Variants in CDKL3 observed in about 807,000 individuals in gnomAD.
CDKL3 encodes the protein cyclin dependent kinase like 3, also known as cyclin-dependent kinase-like 3.
Under a neutral mutation model 69.3 loss-of-function variants are expected in CDKL3, and 65 were observed. The ratio of observed to expected loss-of-function variants is 0.94; its 90% CI spans 0.77 to 1.15. The LOEUF (loss-of-function observed/expected upper bound fraction) is 1.15, where lower values mean the gene tolerates loss of function less well. Among genes scored for constraint, CDKL3 ranks in the 50% most tolerant of loss-of-function variants. CDKL3 has a pLI of 0.00. For synonymous variants in CDKL3, 202 were observed against 221.6 expected (o/e 0.91, Z 0.79); for missense variants, 652 against 689.2 (o/e 0.95, Z 0.61).
downstream of CDKL3, among the ~76,000 whole-genome samples, chr5:134,286,040 T>C (rs1764845007): frequency 6.6e-6 from 1 of 152,196 alleles, no homozygotes; most frequent in Admixed American, 6.5e-5. Flanking sequence ...GAGAATCACT[T>C]GAACCCAGTA....
chr5:134,338,224 C>T (rs1231583928), intron 4 of CDKL3, among the ~76,000 whole-genome samples: 2 of 151,760 alleles, frequency 1.3e-5, no homozygotes, highest in Non-Finnish European at 2.9e-5. Context: ...GTAATATGTA[C>T]AACAAATATA....
chr5:134,307,774 T>TA (rs1431690556), intron 9 of CDKL3, among the ~76,000 whole-genome samples: 2 of 152,222 alleles, frequency 1.3e-5, no homozygotes, highest in African/African-American at 4.8e-5. Context: ...TTTCTCCACT[T>TA]AGAGAATTTG....
Position 134,304,417 on chromosome 5 carries a change from T to A in CDKL3, c.1609A>T (p.Lys537Ter), listed in dbSNP as rs758759356. The A allele has an allele frequency of 6.2e-7, 1 of 1,610,264 alleles. No homozygotes were observed. The highest frequency in any genetic ancestry group is 1.1e-5 in the South Asian group (1 of 90,242). Residue 537 changes from lysine (K) to a stop codon, truncating the protein, a stop_gained, in exon 11 of 13, where the codon AAA becomes TAA. Transcript: ENST00000265334. LOFTEE classifies it high-confidence loss of function. ...LPVTIQSKDT[K>*]GMEVKQIKML... ...AACAAATGTGTACCTTCCATTCCTT[T>A]TGTATCTTTTGACTGTATTGTGACA...
upstream of CDKL3, chr5:134,371,294 A>T: frequency 7.7e-6 from 4 of 518,904 alleles, no homozygotes; most frequent in South Asian, 4.1e-5. Context: ...CAGAGAACAC[A>T]AATTTGTCTA....
intron 8 of CDKL3, among the ~76,000 whole-genome samples, chr5:134,289,714 G>A (rs1200182569): frequency 6.6e-6 from 1 of 152,112 alleles, no homozygotes; most frequent in Non-Finnish European, 1.5e-5. Context: ...GCTGGACTGT[G>A]GGCTCCCTCT....
At chr5:134,357,121 T>C (rs1754800823) in intron 3 of CDKL3, among the ~76,000 whole-genome samples, 1 of 152,200 alleles carries the variant, frequency 6.6e-6, no homozygotes, top group Non-Finnish European at 1.5e-5. Context: ...TTATTTAGTA[T>C]GGGTCTATCC....
At chr5:134,298,289 G>C, downstream of CDKL3, 1 of 1,006,588 alleles carries the variant, frequency 9.9e-7, no homozygotes, top group Non-Finnish European at 1.2e-6. Context: ...CATTTAAAGA[G>C]GCCTGTGTGT....
At chr5:134,285,241 C>T (rs542553458), downstream of CDKL3, among the ~76,000 whole-genome samples, 4 of 152,342 alleles carry the variant, frequency 2.6e-5, no homozygotes, top group African/African-American at 9.6e-5. Flanking sequence ...TCCAACCCCA[C>T]ATTTCCCTTT....
chr5:134,315,494 A>G (rs1434303529), intron 6 of CDKL3, among the ~76,000 whole-genome samples: 1 of 152,006 alleles, frequency 6.6e-6, no homozygotes, highest in African/African-American at 2.4e-5. Flanking sequence ...ACGACACCCT[A>G]TGTTTAGAGA....
At chr5:134,327,091 G>A (rs78808651) in intron 4 of CDKL3, among the ~76,000 whole-genome samples, 3,288 of 151,810 alleles carry the variant, frequency 0.022, 47 homozygotes, top group Non-Finnish European at 0.034. Context: ...AGGAGGAGTG[G>A]AACTTCACCA....
chr5:134,284,404 G>C (rs1279915561), downstream of CDKL3, among the ~76,000 whole-genome samples: 1 of 152,162 alleles, frequency 6.6e-6, no homozygotes, highest in Non-Finnish European at 1.5e-5. Flanking sequence ...TCACATGCTT[G>C]AAAGGGCAAT....
At chr5:134,309,188 C>T (rs376838451) in intron 7 of CDKL3, among the ~76,000 whole-genome samples, 5 of 152,100 alleles carry the variant, frequency 3.3e-5, no homozygotes, top group African/African-American at 4.8e-5. Context: ...TGGGTTCAAG[C>T]GATTCTGCCT....
intron 10 of CDKL3, among the ~76,000 whole-genome samples, chr5:134,305,111 T>C (rs1217551601): frequency 6.7e-6 from 1 of 150,128 alleles, no homozygotes; most frequent in Non-Finnish European, 1.5e-5. Flanking sequence ...TCTGGCCTTA[T>C]TATTATTATT....
upstream of CDKL3, among the ~76,000 whole-genome samples, chr5:134,369,996 C>G (rs1758180871): frequency 6.6e-6 from 1 of 152,202 alleles, no homozygotes; most frequent in Non-Finnish European, 1.5e-5. Context: ...TTAAAAAACA[C>G]ATTGCGAATG....
chr5:134,362,121 C>T (rs1281613021), intron 2 of CDKL3, among the ~76,000 whole-genome samples: 1 of 152,146 alleles, frequency 6.6e-6, no homozygotes, highest in Non-Finnish European at 1.5e-5. Context: ...TGCTCTAGTA[C>T]CCCTCTTCAA....
intron 7 of CDKL3, among the ~76,000 whole-genome samples, chr5:134,311,160 G>A (rs563744649): frequency 2.0e-5 from 3 of 152,322 alleles, no homozygotes; most frequent in Non-Finnish European, 4.4e-5. Context: ...GCCATAAGAA[G>A]CATGGCACCT....
At chr5:134,359,845 G>A (rs999908738) in intron 3 of CDKL3, 52 bp downstream of exon 3, 1 of 1,119,510 alleles carries the variant, frequency 8.9e-7, no homozygotes. Context: ...TGTATAAGGA[G>A]CACTTATGAT....
chr5:134,366,023 A>C (rs757690903), intron 2 of CDKL3, among the ~76,000 whole-genome samples: 1 of 152,196 alleles, frequency 6.6e-6, no homozygotes, highest in Non-Finnish European at 1.5e-5. Flanking sequence ...TTTCTGATTA[A>C]ATTATAGAAG....
intron 6 of CDKL3, 108 bp downstream of exon 6, chr5:134,319,250 G>T: frequency 1.3e-6 from 1 of 768,686 alleles, no homozygotes; most frequent in Non-Finnish European, 1.9e-6. Flanking sequence ...AGAATCTCAT[G>T]ACCTGGGAGT....
Sources: allele counts gnomAD v4.1 joint callset (sites outside exome capture counted in the v4.1 genomes callset), GRCh38; gene constraint gnomAD v4.1.1; transcripts MANE v1.5; gene names NCBI Gene and HGNC (gene_info 2026-07-23, HGNC 2026-07-21).